The following HECTD4 variants were observed in gnomAD, a reference collection of about 807,000 sequenced individuals.
The protein encoded by HECTD4 is HECT domain E3 ubiquitin protein ligase 4, also known as probable E3 ubiquitin-protein ligase HECTD4.
A neutral mutation model predicts 471.5 loss-of-function variants in HECTD4; 114 were observed. That is an observed-to-expected ratio of 0.24 (90% CI 0.21 to 0.28). The LOEUF (loss-of-function observed/expected upper bound fraction) is 0.28. Ranked by LOEUF, HECTD4 falls within the 10% of genes least tolerant of loss-of-function variation. The pLI is 1.00. For synonymous variants in HECTD4, 2,012 were observed against 2,256.0 expected, an observed-to-expected ratio of 0.89 and a Z score of 3.07; for missense variants, 3,866 against 5,651.5, an observed-to-expected ratio of 0.68 and a Z score of 10.13.
Position 112,162,519 on chromosome 12 carries a change from G to T in HECTD4, c.13125C>A (p.Ser4375=). 1.2e-6 allele frequency: 2 copies of T among 1,613,974 alleles called. No individual in the cohort carries two copies. Among genetic ancestry groups the T allele is most frequent in the South Asian group, 2.2e-5 (2 of 91,082 alleles). ...CCACGCGGATGTAGCGAGAGTCTGG[G>T]GAACCTACAAGAAACCGAGCCAGCA... ...KIAPPDGTAG[S]PDSRYIRVET... The change falls in exon 76 of 76, where the codon TCC becomes TCA. Residue 4375 remains serine, a synonymous_variant. Coordinates refer to ENST00000682272, the MANE Select transcript of HECTD4 (RefSeq NM_001388303.1). The surrounding 1 kb of genome is among the most constrained non-coding windows in gnomAD (Gnocchi z 5.2).
At chr12:112,269,331 C>T (rs1207721134) in intron 13 of HECTD4, among the ~76,000 whole-genome samples, 3 of 152,162 alleles carry the variant, frequency 2.0e-5, no homozygotes, top group Non-Finnish European at 2.9e-5. Flanking sequence ...CAAGGTCACA[C>T]TAGTGAGTGG....
At chr12:112,195,655 A>C (rs147435844) in intron 55 of HECTD4, among the ~76,000 whole-genome samples, 1 of 152,324 alleles carries the variant, frequency 6.6e-6, no homozygotes, top group East Asian at 1.9e-4. Flanking sequence ...TGGGGTGATG[A>C]AAATGTTCTA....
rs775175492 is a variant in HECTD4 at position 112,230,736 on chromosome 12, A to G, written c.6287T>C (p.Met2096Thr). 4.3e-6 allele frequency: 7 copies of G among 1,611,138 alleles called. No homozygotes were observed. The highest frequency in any genetic ancestry group is 5.9e-6 in the Non-Finnish European group (7 of 1,178,754). Residue 2096 changes from methionine to threonine, a missense_variant, in exon 40 of 76, where the codon ATG becomes ACG. By Grantham distance (81) the Met-to-Thr change is moderately conservative. Around this residue, in one of 16 missense-constraint regions of HECTD4, gnomAD observed 617 missense variants for 915.1 expected, o/e 0.67. Transcript: ENST00000682272. ...TTGAGCAGCATTTGATTCAGGTGCC[A>G]TGAGCAAGCTATGTAGCAAGGCGAT... ...EVIALLHSLL[M>T]APESNAAQIW...
intron 7 of HECTD4, among the ~76,000 whole-genome samples, chr12:112,295,801 TA>T (rs764102820): frequency 5.9e-4 from 85 of 144,084 alleles, no homozygotes; most frequent in African/African-American, 1.7e-3. Context: ...ACCATTAAAT[TA>T]AAAAAAAAAT....
chr12:112,243,881 T>A lies in HECTD4; in HGVS notation c.4642A>T (p.Asn1548Tyr), dbSNP rs1340172351. Residue 1548 changes from asparagine (N) to tyrosine (Y), a missense_variant, in exon 30 of 76, where the codon AAT (asparagine) becomes TAT (tyrosine). Asn to Tyr is a moderately radical substitution (Grantham distance 143). Around this residue, in one of 16 missense-constraint regions of HECTD4, gnomAD observed 229 missense variants for 386.4 expected, o/e 0.59. Transcript: ENST00000682272. The surrounding 1 kb of genome is among the most constrained non-coding windows in gnomAD (Gnocchi z 6.6). ...CGGCCATTAGCCATTTACCTCTGAT[T>A]TGCTCTAGTAAATTCCAAATCTTCA... Reference protein sequence around the residue: ...GNEDLEFTRANQRRRHVTSHR... With the variant: ...GNEDLEFTRAYQRRRHVTSHR... 6.2e-7 allele frequency: 1 copy of A among 1,613,980 alleles called. No individual in the cohort carries two copies. The highest frequency in any genetic ancestry group is 2.2e-5 in the East Asian group (1 of 44,888).
At position 112,213,591 on chromosome 12, in the gene HECTD4, C is replaced by A. The variant is rs2032826960; in HGVS notation, c.7466-941G>T. On this transcript the variant is annotated intron_variant, in intron 48 of 75. Coordinates refer to ENST00000682272, the MANE Select transcript of HECTD4 (RefSeq NM_001388303.1). This position sits in a 1 kb window ranked among gnomAD's most constrained non-coding sequence, Gnocchi z 4.0. ...GTCCCAGCTACTTGGGAGGCTGAGG[C>A]AGAAGAATGGCGTGAACCCGGGAGG... Among the ~76,000 whole-genome samples the A allele has an allele frequency of 6.6e-6, 1 of 151,474 alleles. No individual in the cohort carries two copies. Among genetic ancestry groups the A allele is most frequent in the South Asian group, 2.1e-4 (1 of 4,792 alleles).
chr12:112,242,989 C>T (rs558956519), intron 32 of HECTD4, among the ~76,000 whole-genome samples: 3 of 152,114 alleles, frequency 2.0e-5, no homozygotes, highest in Non-Finnish European at 2.9e-5. Context: ...CTAAGACATA[C>T]TGAGCAAAAC....
At chr12:112,303,095 T>C (rs1003740567) in intron 7 of HECTD4, among the ~76,000 whole-genome samples, 1 of 152,124 alleles carries the variant, frequency 6.6e-6, no homozygotes, top group Non-Finnish European at 1.5e-5. Flanking sequence ...AGGCAAGTCT[T>C]TTTCCTAGAT....
chr12:112,165,505 C>G (rs1566056950), intron 72 of HECTD4, among the ~76,000 whole-genome samples: 1 of 151,918 alleles, frequency 6.6e-6, no homozygotes, highest in Non-Finnish European at 1.5e-5. Context: ...GCGCCCGCCA[C>G]CATGCCTGGC....
chr12:112,280,319 T>G (rs1049909394), intron 8 of HECTD4, among the ~76,000 whole-genome samples: 3 of 152,194 alleles, frequency 2.0e-5, no homozygotes, highest in Non-Finnish European at 4.4e-5. Context: ...TACTTTAATC[T>G]CCCTTACTGG....
intron 52 of HECTD4, 110 bp downstream of exon 52, chr12:112,207,764 A>G: frequency 8.1e-7 from 1 of 1,232,706 alleles, no homozygotes; most frequent in South Asian, 1.5e-5. Context: ...GACACTGTTA[A>G]GTATGGTGCA....
chr12:112,343,947 T>C (rs1594061116), intron 1 of HECTD4, among the ~76,000 whole-genome samples: 1 of 152,220 alleles, frequency 6.6e-6, no homozygotes, highest in South Asian at 2.1e-4. Flanking sequence ...ACAACATTGA[T>C]GTTTTTAAAA....
chr12:112,266,676 T>C (rs1389298934), intron 14 of HECTD4, among the ~76,000 whole-genome samples: 1 of 152,140 alleles, frequency 6.6e-6, no homozygotes, highest in Non-Finnish European at 1.5e-5. Flanking sequence ...AGAGTCAGGG[T>C]CTTGCTATGC....
At position 112,172,876 on chromosome 12, in the gene HECTD4, A is replaced by G. The variant is rs1181173872; in HGVS notation, c.11595-15T>C. ...TGCATGCGCACCTTGGGGTGGGGAC[A>G]GGGGGAGAGGGGCAAAGTGAGGCAG... is the stretch of plus-strand genomic sequence containing the variant. On this transcript the variant is annotated splice_polypyrimidine_tract_variant and intron_variant, in intron 66 of 75. Transcript: ENST00000682272. 1.2e-6 allele frequency: 2 copies of G among 1,610,896 alleles called. No individual in the cohort carries two copies. The highest frequency in any genetic ancestry group is 2.7e-5 in the African/African-American group (2 of 74,842).
At position 112,184,219 on chromosome 12, in the gene HECTD4, C is replaced by T. The variant is rs375343651; in HGVS notation, c.10747G>A (p.Ala3583Thr). The T allele has an allele frequency of 1.2e-5, 19 of 1,611,652 alleles. No individual in the cohort carries two copies. Among genetic ancestry groups the T allele is most frequent in the Admixed American group, 3.3e-5 (2 of 59,868 alleles). ...VTSLDNQPLA[A>T]RPIKGFAVVE... ...ACTGCGAAGCCTTTGATGGGGCGGG[C>T]GGCGAGGGGCTGGTTGTCCAGGGAA... Residue 3583 changes from alanine to threonine, a missense_variant, in exon 61 of 76, where the codon GCC (alanine) becomes ACC (threonine). Coordinates refer to ENST00000682272, the MANE Select transcript of HECTD4 (RefSeq NM_001388303.1). This position sits in a 1 kb window ranked among gnomAD's most constrained non-coding sequence, Gnocchi z 9.1.
chr12:112,227,121 G>A (rs2033260174), intron 43 of HECTD4, among the ~76,000 whole-genome samples: 1 of 152,130 alleles, frequency 6.6e-6, no homozygotes, highest in Non-Finnish European at 1.5e-5. Flanking sequence ...TCTGTATGGC[G>A]ATCGCTCTCA....
rs1427185037 is a variant in HECTD4 at position 112,217,127 on chromosome 12, G to A, written c.7143C>T (p.His2381=). The A allele has an allele frequency of 3.1e-6, 5 of 1,591,758 alleles. No homozygotes were observed. Among genetic ancestry groups the A allele is most frequent in the Admixed American group, 3.6e-5 (2 of 56,004 alleles). Reference sequence around the variant, plus strand: ...CAGCCAGGAAGGTGACTGAGGTAAGGTGAGATGAGAACATGCAGGCTCGAA... The same window carrying A: ...CAGCCAGGAAGGTGACTGAGGTAAGATGAGATGAGAACATGCAGGCTCGAA... ...PPVRACMFSS[H]LTSVTFLADP... Residue 2381 remains histidine, a synonymous_variant, in exon 46 of 76, where the codon CAC becomes CAT. Transcript: ENST00000682272.
At chr12:112,356,980 T>C (rs2036352595) in intron 1 of HECTD4, among the ~76,000 whole-genome samples, 1 of 152,246 alleles carries the variant, frequency 6.6e-6, no homozygotes, top group Non-Finnish European at 1.5e-5. Context: ...GTTCGTGGTA[T>C]GTGGACCATA....
intron 7 of HECTD4, among the ~76,000 whole-genome samples, chr12:112,299,254 C>T (rs1023533033): frequency 2.0e-5 from 3 of 152,134 alleles, no homozygotes; most frequent in African/African-American, 7.2e-5. Context: ...TCTGAATATT[C>T]TGAATACTTC....
Sources: allele counts gnomAD v4.1 joint callset (sites outside exome capture counted in the v4.1 genomes callset), GRCh38; gene constraint gnomAD v4.1.1; regional missense constraint gnomAD v4.1.1; non-coding constraint Gnocchi (gnomAD v3.1); transcripts MANE v1.5; gene names NCBI Gene and HGNC (gene_info 2026-07-23, HGNC 2026-07-21).